CCSER1: variants seen among roughly 807,000 people sequenced by gnomAD.
CCSER1 encodes the protein coiled-coil serine rich protein 1.
A neutral mutation model predicts 82.0 loss-of-function variants in CCSER1; 41 were observed. That is an observed-to-expected ratio of 0.50 (90% confidence interval 0.39 to 0.65). CCSER1 has a LOEUF of 0.65. Ranked by LOEUF, CCSER1 falls within the 30% of genes least tolerant of loss-of-function variation. The pLI, the probability that CCSER1 is intolerant of heterozygous loss-of-function variation, is 0.00. For synonymous variants in CCSER1, 414 were observed against 383.9 expected (o/e 1.08, Z -0.92); for missense variants, 1,119 against 1,064.2 (o/e 1.05, Z -0.72).
At chr4:91,170,107 A>G (rs17018147) in intron 10 of CCSER1, among the ~76,000 whole-genome samples, 7 of 152,186 alleles carry the variant, frequency 4.6e-5, no homozygotes, top group African/African-American at 1.4e-4. Flanking sequence ...TGTCTTAAAA[A>G]TATAAAAGCT....
intron 10 of CCSER1, among the ~76,000 whole-genome samples, chr4:91,294,229 G>C (rs1366872572): frequency 6.6e-6 from 1 of 151,858 alleles, no homozygotes; most frequent in Non-Finnish European, 1.5e-5. Context: ...CAGCAATATA[G>C]AAATATATGT....
intron 10 of CCSER1, among the ~76,000 whole-genome samples, chr4:91,336,451 A>G (rs548447868): frequency 6.6e-6 from 1 of 152,246 alleles, no homozygotes; most frequent in South Asian, 2.1e-4. Context: ...TTGCTACGCT[A>G]TGCCTTTCCC....
At chr4:91,517,087 A>T (rs533476841) in intron 10 of CCSER1, among the ~76,000 whole-genome samples, 1 of 152,314 alleles carries the variant, frequency 6.6e-6, no homozygotes, top group East Asian at 1.9e-4. Flanking sequence ...TATCAGTTCA[A>T]GGAACTTTTG....
At chr4:91,418,174 T>C (rs967816840) in intron 10 of CCSER1, among the ~76,000 whole-genome samples, 18 of 148,502 alleles carry the variant, frequency 1.2e-4, no homozygotes, top group South Asian at 6.4e-4. Context: ...CTGAAGGAAA[T>C]AGAATAAAAG....
intron 10 of CCSER1, among the ~76,000 whole-genome samples, chr4:91,399,469 C>A (rs1483688184): frequency 2.6e-5 from 4 of 151,924 alleles, no homozygotes; most frequent in Non-Finnish European, 5.9e-5. Flanking sequence ...CAATTTTTAT[C>A]CCTATATTTT....
At chr4:91,363,486 T>C (rs539360115) in intron 10 of CCSER1, among the ~76,000 whole-genome samples, 1 of 151,648 alleles carries the variant, frequency 6.6e-6, no homozygotes, top group Admixed American at 6.6e-5. Flanking sequence ...GTAACTAAAC[T>C]GGCTTGTCAA....
chr4:90,645,133 T>C (rs1471008574), intron 6 of CCSER1, among the ~76,000 whole-genome samples: 2 of 151,860 alleles, frequency 1.3e-5, no homozygotes, highest in African/African-American at 4.8e-5. Context: ...TGCGGCATAG[T>C]ATTCCATTCA....
At chr4:91,157,631 G>C (rs1004059583) in intron 10 of CCSER1, among the ~76,000 whole-genome samples, 2 of 151,978 alleles carry the variant, frequency 1.3e-5, no homozygotes, top group Non-Finnish European at 2.9e-5. Context: ...CATCTATATG[G>C]TAATGCCAGG....
chr4:91,285,514 G>A (rs1196236848), intron 10 of CCSER1, among the ~76,000 whole-genome samples: 2 of 151,676 alleles, frequency 1.3e-5, no homozygotes, highest in East Asian at 3.9e-4. Flanking sequence ...TAAAAATACT[G>A]GATATTTGAG....
chr4:90,292,950 A>T (rs1731194758), intron 1 of CCSER1, among the ~76,000 whole-genome samples: 1 of 151,952 alleles, frequency 6.6e-6, no homozygotes, highest in Non-Finnish European at 1.5e-5. Flanking sequence ...AGTACTTTAA[A>T]ATTCTTTTTC....
intron 1 of CCSER1, among the ~76,000 whole-genome samples, chr4:90,219,970 A>T (rs1351190276): frequency 6.6e-6 from 1 of 152,200 alleles, no homozygotes; most frequent in Non-Finnish European, 1.5e-5. Context: ...TACTAAGACC[A>T]TGTACAGTAG....
intron 4 of CCSER1, among the ~76,000 whole-genome samples, chr4:90,467,997 A>G (rs1442874787): frequency 6.6e-6 from 1 of 152,220 alleles, no homozygotes. Flanking sequence ...GAGAAGGACT[A>G]TAAACTGTTG....
chr4:91,020,322 C>G (rs530284555), intron 9 of CCSER1, among the ~76,000 whole-genome samples: 1 of 152,296 alleles, frequency 6.6e-6, no homozygotes, highest in South Asian at 2.1e-4. Context: ...TAAGTATTCT[C>G]TAATTATCGA....
At chr4:90,205,253 G>A (rs1412848458) in intron 1 of CCSER1, among the ~76,000 whole-genome samples, 1 of 152,132 alleles carries the variant, frequency 6.6e-6, no homozygotes, top group Non-Finnish European at 1.5e-5. Context: ...GTGAGAGAGG[G>A]CATCCTTGTC....
chr4:91,359,768 G>T (rs1473749058), intron 10 of CCSER1, among the ~76,000 whole-genome samples: 1 of 151,634 alleles, frequency 6.6e-6, no homozygotes, highest in Non-Finnish European at 1.5e-5. Flanking sequence ...GCTGAGTATT[G>T]GTGCATAATT....
At chr4:91,496,981 GTTC>G (rs1295014586) in intron 10 of CCSER1, among the ~76,000 whole-genome samples, 2 of 149,620 alleles carry the variant, frequency 1.3e-5, no homozygotes, top group Admixed American at 6.8e-5. Context: ...ACTTATCGAT[GTTC>G]TTCTCCATCC....
intron 7 of CCSER1, among the ~76,000 whole-genome samples, chr4:90,753,092 C>A (rs1310241876): frequency 6.6e-6 from 1 of 152,094 alleles, no homozygotes; most frequent in Non-Finnish European, 1.5e-5. Context: ...GAAACCTCAA[C>A]AAAGCAGTGG....
At chr4:91,564,148 C>T (rs1429427783) in intron 10 of CCSER1, among the ~76,000 whole-genome samples, 1 of 151,916 alleles carries the variant, frequency 6.6e-6, no homozygotes, top group Non-Finnish European at 1.5e-5. Context: ...ATTTGGTTTT[C>T]TGTTCCTGCA....
intron 9 of CCSER1, among the ~76,000 whole-genome samples, chr4:90,945,368 T>C (rs1158331184): frequency 6.6e-6 from 1 of 152,204 alleles, no homozygotes; most frequent in Non-Finnish European, 1.5e-5. Context: ...TCATGTTCCT[T>C]CTTTATTATG....
Sources: allele counts gnomAD v4.1 joint callset (sites outside exome capture counted in the v4.1 genomes callset), GRCh38; gene constraint gnomAD v4.1.1; transcripts MANE v1.5; gene names NCBI Gene and HGNC (gene_info 2026-07-23, HGNC 2026-07-21).